Variants in PLEKHA7 observed in about 807,000 individuals in gnomAD.
PLEKHA7 encodes pleckstrin homology domain containing A7, also known as pleckstrin homology domain-containing family A member 7.
A neutral mutation model predicts 170.0 loss-of-function variants in PLEKHA7; 104 were observed. The ratio of observed to expected loss-of-function variants is 0.61; its 90% CI spans 0.52 to 0.72. The LOEUF is 0.72. Ranked by LOEUF, PLEKHA7 falls within the 30% of genes least tolerant of loss-of-function variation. The pLI, the probability that PLEKHA7 is intolerant of heterozygous loss-of-function variation, is 0.00. For synonymous variants in PLEKHA7, 648 were observed against 660.8 expected (o/e 0.98, Z 0.30); for missense variants, 1,615 against 1,671.7 (o/e 0.97, Z 0.59).
chr11:16,900,417 G>A (rs1857256829), intron 3 of PLEKHA7, among the ~76,000 whole-genome samples: 1 of 152,132 alleles, frequency 6.6e-6, no homozygotes, highest in Non-Finnish European at 1.5e-5. Context: ...ACTTTCATGA[G>A]GTGTTTTACT....
At chr11:16,957,697 C>CTTTTT (rs1169142909) in intron 3 of PLEKHA7, among the ~76,000 whole-genome samples, 19 of 87,284 alleles carry the variant, frequency 2.2e-4, no homozygotes, top group East Asian at 8.4e-4. Flanking sequence ...TAATTTTTTT[C>CTTTTT]TTTTTTTTTT....
At chr11:16,879,176 G>A (rs1035020813) in intron 3 of PLEKHA7, among the ~76,000 whole-genome samples, 3 of 152,108 alleles carry the variant, frequency 2.0e-5, no homozygotes, top group South Asian at 2.1e-4. Flanking sequence ...TTATATCCTC[G>A]CTAGTATTGC....
chr11:16,978,710 T>G (rs1863222165), intron 3 of PLEKHA7, among the ~76,000 whole-genome samples: 1 of 152,202 alleles, frequency 6.6e-6, no homozygotes, highest in Non-Finnish European at 1.5e-5. Flanking sequence ...TGCATACCTT[T>G]GCAACTTGTC....
intron 3 of PLEKHA7, among the ~76,000 whole-genome samples, chr11:16,994,607 C>CTCCCTGGA (rs1864234689): frequency 6.6e-6 from 1 of 152,134 alleles, no homozygotes; most frequent in African/African-American, 2.4e-5. Context: ...GCTGGGACCC[C>CTCCCTGGA]TCCCTGGATC....
At chr11:16,848,284 G>A (rs886732239) in intron 8 of PLEKHA7, among the ~76,000 whole-genome samples, 4 of 152,316 alleles carry the variant, frequency 2.6e-5, no homozygotes, top group Admixed American at 1.3e-4. Flanking sequence ...TTTCCCTAGC[G>A]TCTGTTATAC....
intron 3 of PLEKHA7, among the ~76,000 whole-genome samples, chr11:16,935,116 G>A (rs950861309): frequency 1.3e-5 from 2 of 152,216 alleles, no homozygotes; most frequent in African/African-American, 4.8e-5. Flanking sequence ...TTGGGAAAAA[G>A]AACCTAAATC....
intron 3 of PLEKHA7, among the ~76,000 whole-genome samples, chr11:16,971,380 A>C (rs1239455004): frequency 6.6e-6 from 1 of 152,236 alleles, no homozygotes; most frequent in African/African-American, 2.4e-5. Context: ...TAGATGCATA[A>C]TAATCCACTG....
intron 3 of PLEKHA7, among the ~76,000 whole-genome samples, chr11:16,874,629 C>A (rs1436032183): frequency 1.3e-5 from 2 of 152,196 alleles, no homozygotes; most frequent in Non-Finnish European, 2.9e-5. Context: ...ATTGGGGCAG[C>A]TTCCTGGCCA....
intron 3 of PLEKHA7, among the ~76,000 whole-genome samples, chr11:16,914,576 C>T (rs1237544796): frequency 2.0e-5 from 3 of 152,192 alleles, no homozygotes; most frequent in African/African-American, 7.2e-5. Context: ...CCTTCCTTCA[C>T]ATCCAACTAC....
At chr11:16,946,849 G>T (rs372831121) in intron 3 of PLEKHA7, among the ~76,000 whole-genome samples, 1 of 151,896 alleles carries the variant, frequency 6.6e-6, no homozygotes, top group South Asian at 2.1e-4. Context: ...CATTCTGCTC[G>T]GTAAGGTATT....
At chr11:16,913,065 T>C (rs1412084871) in intron 3 of PLEKHA7, among the ~76,000 whole-genome samples, 2 of 152,294 alleles carry the variant, frequency 1.3e-5, no homozygotes, top group East Asian at 3.9e-4. Context: ...AGCTGCTTTA[T>C]GCCAAGGGTG....
intron 3 of PLEKHA7, among the ~76,000 whole-genome samples, chr11:16,984,182 A>C (rs1025828878): frequency 6.6e-6 from 1 of 152,174 alleles, no homozygotes; most frequent in Non-Finnish European, 1.5e-5. Flanking sequence ...TAATCAGTCT[A>C]TTCTACGTAC....
At chr11:16,911,567 T>C (rs1388926421) in intron 3 of PLEKHA7, among the ~76,000 whole-genome samples, 3 of 152,160 alleles carry the variant, frequency 2.0e-5, no homozygotes, top group Non-Finnish European at 2.9e-5. Flanking sequence ...CTCATGGCAG[T>C]AGTCTTGTCC....
intron 3 of PLEKHA7, among the ~76,000 whole-genome samples, chr11:16,902,899 T>C (rs968232083): frequency 2.6e-5 from 4 of 152,224 alleles, no homozygotes; most frequent in African/African-American, 9.7e-5. Flanking sequence ...ACAACACCCT[T>C]ATTCACACTT....
At chr11:16,821,192 T>C (rs1281516235) in intron 10 of PLEKHA7, among the ~76,000 whole-genome samples, 2 of 152,198 alleles carry the variant, frequency 1.3e-5, no homozygotes, top group Admixed American at 1.3e-4. Flanking sequence ...ATTATTATAC[T>C]TTACTCAGCA....
intron 3 of PLEKHA7, among the ~76,000 whole-genome samples, chr11:16,982,972 C>T (rs927854217): frequency 1.5e-4 from 23 of 152,160 alleles, no homozygotes; most frequent in African/African-American, 5.6e-4. Flanking sequence ...TGGCTCACCC[C>T]TCACCCTTCA....
rs1324696935 is a variant in PLEKHA7, at chr11:16,789,724, C to T, written c.3156+51G>A. The T allele has an allele frequency of 6.7e-7, 1 of 1,500,446 alleles. No homozygotes were observed. Among genetic ancestry groups the T allele is most frequent in the Admixed American group, 1.7e-5 (1 of 57,680 alleles). 92.9% of individuals were successfully genotyped at this position (1,500,446 alleles called of 1,614,324 possible). On this transcript the variant is annotated intron_variant, in intron 22 of 26. Coordinates refer to ENST00000531066, the MANE Select transcript of PLEKHA7 (RefSeq NM_001329630.2). This position sits in a 1 kb window ranked among gnomAD's most constrained non-coding sequence, Gnocchi z 4.6. ...GTTACTGTCCCCCTGGGAGACCCTCCCTCCCCATGTGAAGGAGCAGGGAGG... is the reference window on the plus strand; with the variant it reads ...GTTACTGTCCCCCTGGGAGACCCTCTCTCCCCATGTGAAGGAGCAGGGAGG...
At chr11:16,853,581 C>T (rs1444190636) in intron 6 of PLEKHA7, among the ~76,000 whole-genome samples, 1 of 152,208 alleles carries the variant, frequency 6.6e-6, no homozygotes, top group East Asian at 1.9e-4. Flanking sequence ...AGCCAATGGG[C>T]CTGGCCTAGG....
chr11:16,805,777 G>A (rs1455782297), intron 13 of PLEKHA7, among the ~76,000 whole-genome samples: 5 of 137,056 alleles, frequency 3.6e-5, no homozygotes, highest in Admixed American at 2.3e-4. Flanking sequence ...GTGACAGAGC[G>A]AGACTCCATG....
Sources: allele counts gnomAD v4.1 joint callset (sites outside exome capture counted in the v4.1 genomes callset), GRCh38; gene constraint gnomAD v4.1.1; non-coding constraint Gnocchi (gnomAD v3.1); transcripts MANE v1.5; gene names NCBI Gene and HGNC (gene_info 2026-07-23, HGNC 2026-07-21).